The following STX8 variants were observed in gnomAD, a reference collection of about 807,000 sequenced individuals.
The protein encoded by STX8 is syntaxin 8.
In STX8, 23 loss-of-function variants were observed where a neutral mutation model predicts 37.5. The ratio of observed to expected loss-of-function variants is 0.61; its 90% CI spans 0.44 to 0.87. STX8 has a LOEUF of 0.87. STX8 is among the 40% of genes least tolerant of loss of function. The probability of loss-of-function intolerance (pLI) is 0.00; values close to 1 mark genes in which losing one functional copy is unlikely to be tolerated. For synonymous variants in STX8, 115 were observed against 99.1 expected (o/e 1.16, Z -0.95); for missense variants, 313 against 284.7 (o/e 1.10, Z -0.71).
At chr17:9,301,483 T>G (rs1908780171) in intron 7 of STX8, among the ~76,000 whole-genome samples, 1 of 151,312 alleles carries the variant, frequency 6.6e-6, no homozygotes, top group South Asian at 2.1e-4. Flanking sequence ...ATTTATTTAT[T>G]TATTTATATT....
intron 7 of STX8, among the ~76,000 whole-genome samples, chr17:9,322,627 T>G (rs958606659): frequency 3.9e-5 from 6 of 152,046 alleles, no homozygotes; most frequent in Non-Finnish European, 8.8e-5. Flanking sequence ...CTAAAGAAAT[T>G]TATCCCACTG....
At chr17:9,572,813 C>G (rs1172265839) in intron 1 of STX8, among the ~76,000 whole-genome samples, 1 of 152,088 alleles carries the variant, frequency 6.6e-6, no homozygotes, top group African/African-American at 2.4e-5. Flanking sequence ...GTTTCACTCT[C>G]AATAGTCCAA....
intron 7 of STX8, among the ~76,000 whole-genome samples, chr17:9,342,046 G>A (rs1418120194): frequency 6.6e-6 from 1 of 152,118 alleles, no homozygotes; most frequent in Non-Finnish European, 1.5e-5. Flanking sequence ...TTTTTCCACG[G>A]CCTGGAGGGG....
At chr17:9,278,130 T>C (rs925677700) in intron 7 of STX8, among the ~76,000 whole-genome samples, 1 of 151,968 alleles carries the variant, frequency 6.6e-6, no homozygotes, top group African/African-American at 2.4e-5. Flanking sequence ...AATGGGGTGG[T>C]GGCAGTGGAG....
chr17:9,282,226 G>A (rs931031829), intron 7 of STX8, among the ~76,000 whole-genome samples: 5 of 152,138 alleles, frequency 3.3e-5, no homozygotes, highest in African/African-American at 4.8e-5. Context: ...TTGGCTTCCC[G>A]GGTTCACGCC....
chr17:9,420,454 TC>T lies in STX8; in HGVS notation c.542-41802del, dbSNP rs570363183. 1.5e-3 allele frequency among the ~76,000 whole-genome samples: 234 copies of T among 152,192 alleles called. 2 individuals are homozygous for T. Among genetic ancestry groups the T allele is most frequent in the African/African-American group, 4.9e-3 (203 of 41,534 alleles). On this transcript the variant is annotated intron_variant, in intron 6 of 7. Coordinates refer to ENST00000306357, the MANE Select transcript of STX8 (RefSeq NM_004853.3). ...CCATTCTAAATGTCCCCTCTCCTTC[TC>T]CAGGGAGGACCCTCGCCTATCTGCT...
intron 7 of STX8, among the ~76,000 whole-genome samples, chr17:9,284,833 T>C (rs1908018210): frequency 6.6e-6 from 1 of 152,234 alleles, no homozygotes; most frequent in Admixed American, 6.5e-5. Context: ...AAAAAGTTTC[T>C]GACTTGACTT....
chr17:9,296,218 T>C (rs537442173), intron 7 of STX8, among the ~76,000 whole-genome samples: 2 of 102,292 alleles, frequency 2.0e-5, no homozygotes, highest in Non-Finnish European at 5.4e-5. Flanking sequence ...TGGTGGTGCA[T>C]GCCTGTAATC....
intron 7 of STX8, among the ~76,000 whole-genome samples, chr17:9,304,095 A>G (rs1266586821): frequency 1.3e-5 from 2 of 152,216 alleles, no homozygotes; most frequent in Non-Finnish European, 2.9e-5. Context: ...TGGTAAGAAA[A>G]AGATCAGCAA....
At chr17:9,285,413 TAAAA>T (rs56156370) in intron 7 of STX8, among the ~76,000 whole-genome samples, 3 of 108,476 alleles carry the variant, frequency 2.8e-5, no homozygotes, top group African/African-American at 7.5e-5. Context: ...AAAGTAGTGA[TAAAA>T]AAAAAAAAAA....
rs745424722 is a variant in STX8 at position 9,546,590 on chromosome 17, G to GTTTTTTTTTTTTTTTTTTTTTTT, written c.213-1309_213-1308insAAAAAAAAAAAAAAAAAAAAAAA. On this transcript the variant is annotated intron_variant, in intron 3 of 7. Coordinates refer to ENST00000306357, the MANE Select transcript of STX8 (RefSeq NM_004853.3). Reference sequence around the variant, plus strand: ...CTTTCTTGATGCAAACTACAAAAGTGGTTTTTTTTTTTTTTTTTTTTTTTT... The same window carrying GTTTTTTTTTTTTTTTTTTTTTTT: ...CTTTCTTGATGCAAACTACAAAAGTGTTTTTTTTTTTTTTTTTTTTTTTGTTTTTTTTTTTTTTTTTTTTTTTT... 1.5e-3 allele frequency among the ~76,000 whole-genome samples: 93 copies of GTTTTTTTTTTTTTTTTTTTTTTT among 62,198 alleles called. 13 individuals carry two copies. Among genetic ancestry groups the GTTTTTTTTTTTTTTTTTTTTTTT allele is most frequent in the South Asian group, 2.0e-3 (3 of 1,476 alleles). The allele number at this position is 62,198 out of a possible 152,430, so 40.8% of individuals were successfully genotyped here.
chr17:9,311,194 G>A lies in STX8; in HGVS notation c.644-60549C>T, dbSNP rs542235131. On this transcript the variant is annotated intron_variant, in intron 7 of 7. Coordinates refer to ENST00000306357, the MANE Select transcript of STX8 (RefSeq NM_004853.3). ...GAAGGTTGCAGTGAGCTGAGATTGC[G>A]CCACTGCACTCCAGCCTGGTAGACA... Among the ~76,000 whole-genome samples, 557 of 149,386 alleles carry A rather than the reference G, an allele frequency of 3.7e-3. 1 individual carries two copies. The highest frequency in any genetic ancestry group is 0.01 in the African/African-American group (410 of 40,532).
At chr17:9,522,539 TCCAAAAAAA>T (rs1427391082) in intron 4 of STX8, among the ~76,000 whole-genome samples, 19 of 112,536 alleles carry the variant, frequency 1.7e-4, no homozygotes, top group South Asian at 8.7e-4. Context: ...CTACTAAAAA[TCCAAAAAAA>T]AAAAAAAAAA....
intron 6 of STX8, among the ~76,000 whole-genome samples, chr17:9,424,513 G>A (rs144517614): frequency 4.1e-4 from 62 of 151,950 alleles, no homozygotes; most frequent in Non-Finnish European, 7.8e-4. Context: ...AAAGTGCAGC[G>A]CCTGGCCTTC....
chr17:9,491,213 C>A (rs1278642638), intron 6 of STX8, among the ~76,000 whole-genome samples: 1 of 152,154 alleles, frequency 6.6e-6, no homozygotes, highest in Non-Finnish European at 1.5e-5. Flanking sequence ...AGTTTCCCAA[C>A]TTCATCCTTA....
At chr17:9,393,011 C>T (rs919162461) in intron 6 of STX8, among the ~76,000 whole-genome samples, 2 of 152,046 alleles carry the variant, frequency 1.3e-5, no homozygotes, top group African/African-American at 4.8e-5. Flanking sequence ...CTCAGCAAAC[C>T]CCAAACAAGA....
intron 7 of STX8, among the ~76,000 whole-genome samples, chr17:9,267,176 G>A (rs1044134119): frequency 3.9e-5 from 6 of 152,190 alleles, no homozygotes; most frequent in Admixed American, 3.3e-4. Context: ...CAGACTGCAC[G>A]TGTTCAGACC....
intron 7 of STX8, among the ~76,000 whole-genome samples, chr17:9,322,052 C>A (rs1462701667): frequency 6.6e-6 from 1 of 152,160 alleles, no homozygotes; most frequent in African/African-American, 2.4e-5. Context: ...AAGAAATTAA[C>A]CTTTGACAAG....
chr17:9,549,339 T>C (rs142699581), intron 3 of STX8, among the ~76,000 whole-genome samples: 1 of 152,348 alleles, frequency 6.6e-6, no homozygotes, highest in Non-Finnish European at 1.5e-5. Context: ...TTGATGACTA[T>C]GTTTTGTAGA....
Sources: allele counts gnomAD v4.1 joint callset (sites outside exome capture counted in the v4.1 genomes callset), GRCh38; gene constraint gnomAD v4.1.1; transcripts MANE v1.5; gene names NCBI Gene and HGNC (gene_info 2026-07-23, HGNC 2026-07-21).